Variants in RRBP1 observed in about 807,000 individuals in gnomAD.
RRBP1 encodes the protein ribosome binding protein 1, also known as ribosome-binding protein 1.
Under a neutral mutation model 165.2 loss-of-function variants are expected in RRBP1, and 94 were observed. The ratio of observed to expected loss-of-function variants is 0.57; its 90% confidence interval spans 0.48 to 0.68. The LOEUF (loss-of-function observed/expected upper bound fraction) is 0.68, where lower values mean the gene tolerates loss of function less well. Among genes scored for constraint, RRBP1 ranks in the 30% least tolerant of loss-of-function variants. The pLI is 0.00. For missense variants in RRBP1, 1,676 were observed against 1,763.0 expected, an observed-to-expected ratio of 0.95 and a Z score of 0.88; for synonymous variants, 680 against 714.5, an observed-to-expected ratio of 0.95 and a Z score of 0.77.
At chr20:17,679,026 G>T (rs776471027) in intron 2 of RRBP1, among the ~76,000 whole-genome samples, 1 of 152,196 alleles carries the variant, frequency 6.6e-6, no homozygotes, top group Admixed American at 6.5e-5. Context: ...GAAGGTGGAG[G>T]TATATAGCCA....
chr20:17,672,036 T>C (rs553263577), intron 2 of RRBP1, among the ~76,000 whole-genome samples: 53 of 152,330 alleles, frequency 3.5e-4, no homozygotes, highest in African/African-American at 1.3e-3. Context: ...GGGAGACTAC[T>C]ACCAACTCTG....
At chr20:17,627,816 G>A (rs1453349281) in intron 9 of RRBP1, 134 bp from the exon 10 acceptor site, 17 of 828,366 alleles carry the variant, frequency 2.1e-5, no homozygotes, top group Admixed American at 1.8e-4. Flanking sequence ...TGTGTCTGGG[G>A]CTCTTAAGAC....
intron 2 of RRBP1, among the ~76,000 whole-genome samples, chr20:17,678,343 T>C (rs2037120032): frequency 6.6e-6 from 1 of 152,252 alleles, no homozygotes; most frequent in Non-Finnish European, 1.5e-5. Flanking sequence ...AGTCACCATT[T>C]TGATGCTGAG....
In RRBP1 at chr20:17,615,518, C is replaced by G; in HGVS notation, c.3963G>C (p.Ser1321=). 1 of 1,606,774 alleles carries G rather than the reference C, an allele frequency of 6.2e-7. No individual in the cohort carries two copies. Among genetic ancestry groups the G allele is most frequent in the Non-Finnish European group, 8.5e-7 (1 of 1,177,628 alleles). The change falls in exon 23 of 25, where the codon TCG becomes TCC. Residue 1321 remains serine (S), a synonymous_variant. Transcript: ENST00000377813. ...CCAATTCTTCTTGTAACCGACATGC[C>G]GAGGTCTGAGCCTTGCCGGAGAGGG... is the stretch of plus-strand genomic sequence containing the variant. ...LTAEFEEAQT[S]ACRLQEELEK...
At chr20:17,679,112 C>A (rs1427438428) in intron 2 of RRBP1, among the ~76,000 whole-genome samples, 4 of 152,224 alleles carry the variant, frequency 2.6e-5, no homozygotes, top group Non-Finnish European at 5.9e-5. Flanking sequence ...AACCTTCTGA[C>A]CAGCTGGACC....
At chr20:17,667,678 T>C (rs1332628260) in intron 2 of RRBP1, among the ~76,000 whole-genome samples, 1 of 152,228 alleles carries the variant, frequency 6.6e-6, no homozygotes, top group African/African-American at 2.4e-5. Flanking sequence ...CACACACATC[T>C]GGACTAGTCA....
intron 3 of RRBP1, among the ~76,000 whole-genome samples, chr20:17,645,385 G>C (rs774430374): frequency 1.3e-5 from 2 of 152,178 alleles, no homozygotes; most frequent in Non-Finnish European, 2.9e-5. Flanking sequence ...ATAAAAACTT[G>C]CAACACGCGA....
At chr20:17,666,631 A>G (rs1900180779) in intron 2 of RRBP1, among the ~76,000 whole-genome samples, 1 of 152,212 alleles carries the variant, frequency 6.6e-6, no homozygotes, top group Admixed American at 6.5e-5. Context: ...TTTCCAAACC[A>G]TATGATCTCA....
At position 17,660,120 on chromosome 20, in the gene RRBP1, C is replaced by T. The variant is rs2036732915; in HGVS notation, c.388G>A (p.Glu130Lys). 1.2e-6 allele frequency: 2 copies of T among 1,614,052 alleles called. No homozygotes were observed. Among genetic ancestry groups the T allele is most frequent in the South Asian group, 2.2e-5 (2 of 91,088 alleles). The change falls in exon 3 of 25, where the codon GAG becomes AAG. Residue 130 changes from glutamate (E) to lysine (K), a missense_variant. This residue lies in a region of RRBP1 where 392 missense variants were observed against 382.5 expected (regional missense o/e 1.02). Transcript: ENST00000377813. ...TCCTTGGGGGAGGAGGCCAGCTTCT[C>T]CTGGGGCATGGCTGGAACTGTGGCG... ...PVATVPAMPQ[E>K]KLASSPKDKK...
intron 2 of RRBP1, among the ~76,000 whole-genome samples, chr20:17,678,369 A>G (rs1421823479): frequency 6.6e-6 from 1 of 152,210 alleles, no homozygotes; most frequent in Non-Finnish European, 1.5e-5. Context: ...TGGGTAAAAA[A>G]TCTCTCCAGG....
intron 16 of RRBP1, 105 bp from the exon 17 acceptor site, chr20:17,620,912 C>T: frequency 1.3e-6 from 1 of 797,090 alleles, no homozygotes; most frequent in Non-Finnish European, 2.0e-6. Context: ...CGTGCTCCGC[C>T]TGCTGACTTC....
chr20:17,635,627 T>G lies in RRBP1; in HGVS notation c.2375A>C (p.Asn792Thr). ...TLQEQLENGP[N>T]TQLARLQQEN... ...CTGCTGCAGGCGGGCCAGCTGCGTG[T>G]TGGGGCCATTCTCCAGCTGCTCCTG... Residue 792 changes from asparagine (N) to threonine (T), a missense_variant, in exon 7 of 25, where the codon AAC becomes ACC. By Grantham distance (65) the Asn-to-Thr change is moderately conservative. Coordinates refer to ENST00000377813, the MANE Select transcript of RRBP1 (RefSeq NM_001365613.2). The G allele has an allele frequency of 6.2e-7, 1 of 1,613,478 alleles. No individual in the cohort carries two copies. Among genetic ancestry groups the G allele is most frequent in the Non-Finnish European group, 8.5e-7 (1 of 1,179,892 alleles).
At chr20:17,619,905 G>A in intron 18 of RRBP1, 177 bp from the exon 19 acceptor site, 1 of 561,070 alleles carries the variant, frequency 1.8e-6, no homozygotes, top group Non-Finnish European at 3.2e-6. Context: ...CTTACGGAAA[G>A]TGGCAGGCTG....
chr20:17,678,317 T>G (rs1405775124), intron 2 of RRBP1, among the ~76,000 whole-genome samples: 4 of 152,238 alleles, frequency 2.6e-5, no homozygotes, highest in African/African-American at 2.4e-5. Context: ...TCAATTTATT[T>G]TCTGTCTTTG....
At position 17,614,667 on chromosome 20, in the gene RRBP1, C is replaced by A. The variant is rs889156866; in HGVS notation, c.4194+70G>T. 3.2e-6 allele frequency: 5 copies of A among 1,586,816 alleles called. No homozygotes were observed. In the African/African-American group the frequency reaches 5.4e-5, roughly 17 times the overall value. On this transcript the variant is annotated intron_variant, in intron 24 of 24. Transcript: ENST00000377813. ...GACGACTCCGCCCAGCTCTGCCTCT[C>A]CCGGTCCTGCCTCCCCGGGGCTCCC...
At chr20:17,665,290 G>A (rs767090696) in intron 2 of RRBP1, among the ~76,000 whole-genome samples, 1 of 152,206 alleles carries the variant, frequency 6.6e-6, no homozygotes, top group Admixed American at 6.5e-5. Flanking sequence ...CTGTGTAAGT[G>A]ACATTGTTCT....
intron 3 of RRBP1, among the ~76,000 whole-genome samples, chr20:17,649,313 C>G (rs2036516977): frequency 6.6e-6 from 1 of 152,152 alleles, no homozygotes; most frequent in African/African-American, 2.4e-5. Flanking sequence ...GGGCGGGGGC[C>G]TCGGGAGGGG....
intron 22 of RRBP1, 151 bp downstream of exon 22, chr20:17,615,775 C>T: frequency 1.4e-6 from 1 of 706,590 alleles, no homozygotes; most frequent in Non-Finnish European, 2.3e-6. Context: ...GCTCCACCTG[C>T]CCGGGCCCCA....
intron 4 of RRBP1, among the ~76,000 whole-genome samples, chr20:17,642,682 CCTTT>C (rs2036386058): frequency 6.6e-6 from 1 of 152,272 alleles, no homozygotes; most frequent in Non-Finnish European, 1.5e-5. Context: ...TGTCCCTATA[CCTTT>C]CTTTCTGCAC....
Sources: gnomAD v4.1 joint callset for allele counts (sites outside exome capture counted in the v4.1 genomes callset) on GRCh38, gnomAD v4.1.1 for gene constraint, gnomAD v4.1.1 regional missense constraint, MANE v1.5 for transcripts, NCBI Gene and HGNC (gene_info 2026-07-23, HGNC 2026-07-21) for gene names.